Variants in UGT1A8 observed in about 807,000 individuals in gnomAD.
UGT1A8 encodes UDP-glucuronosyltransferase 1A8.
Under a neutral mutation model 45.3 loss-of-function variants are expected in UGT1A8, and 39 were observed. The ratio of observed to expected loss-of-function variants is 0.86; its 90% confidence interval spans 0.67 to 1.12. The LOEUF is 1.12. Ranked by LOEUF, UGT1A8 falls within the 50% of genes most tolerant of loss-of-function variation. The pLI, the probability that UGT1A8 is intolerant of heterozygous loss-of-function variation, is 0.00. For synonymous variants in UGT1A8, 275 were observed against 249.2 expected, an observed-to-expected ratio of 1.10 and a Z score of -0.97; for missense variants, 719 against 664.9, an observed-to-expected ratio of 1.08 and a Z score of -0.90.
chr2:233,733,407 C>T (rs906302145), intron 1 of UGT1A8, among the ~76,000 whole-genome samples: 4 of 152,152 alleles, frequency 2.6e-5, no homozygotes, highest in African/African-American at 9.7e-5. Flanking sequence ...GGGAATGCTT[C>T]CAGTTTTCGC....
At chr2:233,715,992 A>G (rs1463123086) in intron 1 of UGT1A8, among the ~76,000 whole-genome samples, 2 of 152,168 alleles carry the variant, frequency 1.3e-5, no homozygotes, top group African/African-American at 2.4e-5. Flanking sequence ...AAACACAACA[A>G]AACCCAAAAT....
chr2:233,643,379 C>T (rs2073510952), intron 1 of UGT1A8, among the ~76,000 whole-genome samples: 1 of 152,068 alleles, frequency 6.6e-6, no homozygotes, highest in Non-Finnish European at 1.5e-5. Flanking sequence ...CTGGTGTTCC[C>T]TTAAGGCCCA....
At chr2:233,675,975 T>C (rs1377553701) in intron 1 of UGT1A8, among the ~76,000 whole-genome samples, 1 of 152,162 alleles carries the variant, frequency 6.6e-6, no homozygotes, top group Non-Finnish European at 1.5e-5. Flanking sequence ...ACACAACATC[T>C]TTCCATACAG....
At chr2:233,630,905 A>G (rs1215465230) in intron 1 of UGT1A8, among the ~76,000 whole-genome samples, 1 of 149,874 alleles carries the variant, frequency 6.7e-6, no homozygotes, top group Non-Finnish European at 1.5e-5. Flanking sequence ...TTACATAGGT[A>G]TACACGTGCC....
chr2:233,627,800 G>C (rs1419210293), intron 1 of UGT1A8, among the ~76,000 whole-genome samples: 6 of 151,860 alleles, frequency 4.0e-5, no homozygotes, highest in African/African-American at 1.5e-4. Context: ...TTTTGGTTAT[G>C]TCATGATTTC....
chr2:233,701,262 ATT>A (rs924256698), intron 1 of UGT1A8, among the ~76,000 whole-genome samples: 1 of 152,120 alleles, frequency 6.6e-6, no homozygotes, highest in African/African-American at 2.4e-5. Flanking sequence ...GTCAAATGGT[ATT>A]TCTAGTTCTA....
chr2:233,756,447 C>T (rs1249165740), intron 1 of UGT1A8: 1 of 151,922 alleles, frequency 6.6e-6, no homozygotes, highest in Non-Finnish European at 1.5e-5. Context: ...TTGTTCCCCC[C>T]AAATATTTTC....
chr2:233,622,062 A>G (rs2073018130), intron 1 of UGT1A8, among the ~76,000 whole-genome samples: 2 of 152,164 alleles, frequency 1.3e-5, no homozygotes, highest in East Asian at 1.9e-4. Context: ...ACATGAACTC[A>G]TCCTTTTTTA....
At chr2:233,766,877 C>T (rs3213726) in intron 1 of UGT1A8, among the ~76,000 whole-genome samples, 157 bp from the exon 2 acceptor site, 1 of 152,218 alleles carries the variant, frequency 6.6e-6, no homozygotes, top group Non-Finnish European at 1.5e-5. Flanking sequence ...GAGGAAAATG[C>T]TGTAAAACTT....
intron 1 of UGT1A8, chr2:233,750,495 G>C (rs1427890072): frequency 6.6e-6 from 1 of 151,984 alleles, no homozygotes; most frequent in African/African-American, 2.4e-5. Flanking sequence ...AAGTAAGGAG[G>C]AGCCAAATGT....
intron 1 of UGT1A8, chr2:233,636,752 A>G: frequency 6.2e-7 from 1 of 1,614,106 alleles, no homozygotes; most frequent in South Asian, 1.1e-5. Context: ...GTGAAGACTT[A>G]CTCAACCTCG....
intron 1 of UGT1A8, among the ~76,000 whole-genome samples, chr2:233,720,799 G>A (rs796093691): frequency 6.1e-4 from 92 of 151,266 alleles, no homozygotes; most frequent in African/African-American, 2.0e-3. Flanking sequence ...TTCACCTCCC[G>A]GGTTTAAGAA....
chr2:233,769,620 A>G lies in UGT1A8; in HGVS notation c.1295+1181A>G. The G allele has an allele frequency of 6.2e-7, 1 of 1,612,636 alleles. No homozygotes were observed. Among genetic ancestry groups the G allele is most frequent in the Non-Finnish European group, 8.5e-7 (1 of 1,179,796 alleles). ...AACACGGGGACACACCAGCTTGAGCAAGGGACAACAGGGGAGGACTGATGA... is the reference window on the plus strand; with the variant it reads ...AACACGGGGACACACCAGCTTGAGCGAGGGACAACAGGGGAGGACTGATGA... On this transcript the variant is annotated intron_variant, in intron 4 of 4. Transcript: ENST00000373450. This position sits in a 1 kb window ranked among gnomAD's most constrained non-coding sequence, Gnocchi z 4.4.
At chr2:233,746,103 G>C (rs1465134401) in intron 1 of UGT1A8, among the ~76,000 whole-genome samples, 1 of 151,806 alleles carries the variant, frequency 6.6e-6, no homozygotes, top group Non-Finnish European at 1.5e-5. Flanking sequence ...CATGTCCAGA[G>C]TGCTTACTGT....
chr2:233,691,773 AC>A, intron 1 of UGT1A8: 1 of 342,278 alleles, frequency 2.9e-6, no homozygotes, highest in Non-Finnish European at 4.1e-6. Context: ...TAGGATTCTC[AC>A]CACGTACTGG....
intron 1 of UGT1A8, among the ~76,000 whole-genome samples, chr2:233,719,947 A>G (rs1392958474): frequency 6.6e-6 from 1 of 152,220 alleles, no homozygotes; most frequent in Admixed American, 6.5e-5. Context: ...TAAAGGCACC[A>G]TCTTCATGGT....
rs773620980 is a variant in UGT1A8 at position 233,618,052 on chromosome 2, T to G, written c.345T>G (p.Gly115=). 1.9e-6 allele frequency: 3 copies of G among 1,613,976 alleles called. No individual in the cohort carries two copies. Among genetic ancestry groups the G allele is most frequent in the Non-Finnish European group, 2.5e-6 (3 of 1,179,974 alleles). ...LFSLFLSSSN[G]FFNLFFSHCR... is the part of the protein sequence containing the mutation. ...CTCTATTTCTGAGTTCATCCAATGGTTTTTTTAACTTATTTTTTTCGCATT... is the reference window on the plus strand; with the variant it reads ...CTCTATTTCTGAGTTCATCCAATGGGTTTTTTAACTTATTTTTTTCGCATT... The change falls in exon 1 of 5, where the codon GGT becomes GGG. Residue 115 remains glycine (G), a synonymous_variant. Transcript: ENST00000373450.
At chr2:233,672,228 G>C in intron 1 of UGT1A8, 3 of 1,614,030 alleles carry the variant, frequency 1.9e-6, no homozygotes, top group Non-Finnish European at 2.5e-6. Flanking sequence ...ATGCTCAATG[G>C]AAAGCACAAG....
At chr2:233,665,598 A>G (rs917976898) in intron 1 of UGT1A8, among the ~76,000 whole-genome samples, 3 of 152,242 alleles carry the variant, frequency 2.0e-5, no homozygotes, top group Non-Finnish European at 4.4e-5. Context: ...GAAACAGTTT[A>G]GCATTGGTTG....
Sources: gnomAD v4.1 joint callset for allele counts (sites outside exome capture counted in the v4.1 genomes callset) on GRCh38, gnomAD v4.1.1 for gene constraint, Gnocchi (gnomAD v3.1) non-coding constraint, MANE v1.5 for transcripts, NCBI Gene and HGNC (gene_info 2026-07-23, HGNC 2026-07-21) for gene names.